The following EIF4E2 variants were observed in gnomAD, a reference collection of about 807,000 sequenced individuals.
The protein encoded by EIF4E2 is eukaryotic translation initiation factor 4E type 2.
A neutral mutation model predicts 34.2 loss-of-function variants in EIF4E2; 13 were observed. That is an observed-to-expected ratio of 0.38 (90% CI 0.25 to 0.60). The LOEUF is 0.60. Ranked by LOEUF, EIF4E2 falls within the 20% of genes least tolerant of loss-of-function variation. The probability of loss-of-function intolerance (pLI) is 0.62; values close to 1 mark genes in which losing one functional copy is unlikely to be tolerated. For missense variants in EIF4E2, 222 were observed against 315.1 expected, an observed-to-expected ratio of 0.70 and a Z score of 2.24; for synonymous variants, 100 against 106.6, an observed-to-expected ratio of 0.94 and a Z score of 0.38.
chr2:232,564,999 A>T (rs1692870257), intron 4 of EIF4E2, among the ~76,000 whole-genome samples: 1 of 152,222 alleles, frequency 6.6e-6, no homozygotes, highest in African/African-American at 2.4e-5. Context: ...ACATATGATT[A>T]AAGTGGGTAA....
intron 1 of EIF4E2, chr2:232,550,991 C>G (rs537167188): frequency 4.9e-6 from 3 of 612,260 alleles, no homozygotes; most frequent in Non-Finnish European, 8.7e-6. Flanking sequence ...GGTGGCTGTG[C>G]CGCCCGGTAG....
chr2:232,564,963 G>A (rs553389576), intron 4 of EIF4E2, among the ~76,000 whole-genome samples: 14 of 152,172 alleles, frequency 9.2e-5, no homozygotes, highest in East Asian at 1.9e-4. Context: ...TTGTTTGTGC[G>A]TGTGTGTAAT....
At chr2:232,580,398 G>A (rs1398398153) in intron 6 of EIF4E2, among the ~76,000 whole-genome samples, 1 of 152,148 alleles carries the variant, frequency 6.6e-6, no homozygotes, top group African/African-American at 2.4e-5. Flanking sequence ...CCAGTTTCTA[G>A]TGTGCCCCTT....
intron 6 of EIF4E2, chr2:232,568,032 T>C: frequency 1.0e-6 from 1 of 981,396 alleles, no homozygotes. Context: ...AGTTTCTCCA[T>C]CTGTAAAGTG....
At chr2:232,551,836 A>G (rs1692344207) in intron 1 of EIF4E2, among the ~76,000 whole-genome samples, 1 of 152,194 alleles carries the variant, frequency 6.6e-6, no homozygotes. Context: ...TGGATTTCCA[A>G]CACTCCAGGC....
At chr2:232,574,468 C>A in intron 6 of EIF4E2, 1 of 946,838 alleles carries the variant, frequency 1.1e-6, no homozygotes, top group Non-Finnish European at 1.6e-6. Context: ...AAGTCCCAAA[C>A]CACTGGATTC....
At chr2:232,558,296 T>A (rs1692594867) in intron 3 of EIF4E2, 1 of 237,374 alleles carries the variant, frequency 4.2e-6, no homozygotes, top group Non-Finnish European at 8.2e-6. Context: ...TTTTATTTTT[T>A]AATTGAGACA....
chr2:232,571,176 T>A (rs998392910), downstream of EIF4E2, among the ~76,000 whole-genome samples: 1 of 152,238 alleles, frequency 6.6e-6, no homozygotes, highest in Non-Finnish European at 1.5e-5. Flanking sequence ...CTTTTCCTGC[T>A]GTTCCCCTCA....
intron 6 of EIF4E2, among the ~76,000 whole-genome samples, chr2:232,576,543 C>T (rs985894641): frequency 1.3e-5 from 2 of 152,002 alleles, no homozygotes; most frequent in Admixed American, 6.5e-5. Context: ...AGAGAACACT[C>T]GTGGTTCAGG....
intron 6 of EIF4E2, among the ~76,000 whole-genome samples, chr2:232,577,124 G>A (rs1340189190): frequency 6.6e-6 from 1 of 152,252 alleles, no homozygotes; most frequent in Non-Finnish European, 1.5e-5. Context: ...GTATTGTTGG[G>A]AAATGAAGTT....
chr2:232,579,248 T>C (rs973989649), intron 6 of EIF4E2, among the ~76,000 whole-genome samples: 7 of 152,100 alleles, frequency 4.6e-5, no homozygotes, highest in Non-Finnish European at 7.4e-5. Context: ...CTCAGAGGGG[T>C]CTATCCTTTT....
rs1230271723 is a variant in EIF4E2 at position 232,581,005 on chromosome 2, G to A, written c.*62G>A. On this transcript the variant is annotated 3_prime_UTR_variant, in exon 7 of 7. Coordinates refer to the EIF4E2 transcript ENST00000409098. This position sits in a 1 kb window ranked among gnomAD's most constrained non-coding sequence, Gnocchi z 5.2. ...GTGTGTTTGTCCGAAATGGATGGGA[G>A]GCCTCCAGCCAGTCCTTCCATTGCT... 4.0e-6 allele frequency: 6 copies of A among 1,490,756 alleles called. No individual in the cohort carries two copies. The highest frequency in any genetic ancestry group is 1.4e-5 in the African/African-American group (1 of 71,762). 92.3% of individuals were successfully genotyped at this position (1,490,756 alleles called of 1,614,324 possible).
chr2:232,559,307 A>G (rs1692633255), intron 3 of EIF4E2, among the ~76,000 whole-genome samples: 1 of 151,738 alleles, frequency 6.6e-6, no homozygotes, highest in African/African-American at 2.4e-5. Flanking sequence ...GTTCTTTATT[A>G]GTACTCCTGA....
At chr2:232,567,395 C>T in intron 6 of EIF4E2, 181 bp downstream of exon 6, 7 of 1,420,138 alleles carry the variant, frequency 4.9e-6, no homozygotes, top group Non-Finnish European at 6.4e-6. Flanking sequence ...CTCCCTGCCA[C>T]CTATACTACC....
At chr2:232,564,394 G>A (rs755609831) in intron 4 of EIF4E2, 43 bp downstream of exon 4, 22 of 1,328,168 alleles carry the variant, frequency 1.7e-5, no homozygotes, top group Non-Finnish European at 2.2e-5. Flanking sequence ...AGCAAGTTTG[G>A]GTTTTTTTGT....
At chr2:232,554,969 T>C (rs1692472320) in intron 1 of EIF4E2, among the ~76,000 whole-genome samples, 1 of 152,154 alleles carries the variant, frequency 6.6e-6, no homozygotes, top group Non-Finnish European at 1.5e-5. Context: ...TTCCTAGTTG[T>C]GTCTTGACCA....
intron 3 of EIF4E2, among the ~76,000 whole-genome samples, chr2:232,560,321 C>T (rs1692677671): frequency 6.6e-6 from 1 of 152,192 alleles, no homozygotes; most frequent in African/African-American, 2.4e-5. Flanking sequence ...ATTTGCATTC[C>T]TTCCTGACAC....
In EIF4E2 at chr2:232,568,099, G is replaced by A; in HGVS notation, c.666-846G>A. On this transcript the variant is annotated intron_variant, in intron 6 of 6. Coordinates refer to ENST00000258416, the MANE Select transcript of EIF4E2 (RefSeq NM_004846.4). ...TGAGGCTGATTTAATCTTTAACTGA[G>A]GGTCTTCAGATGGAGAATGCTTTTA... The A allele has an allele frequency of 5.1e-6, 5 of 985,392 alleles. No homozygotes were observed. The South Asian group carries it at 1.9e-4, about 37-fold the overall frequency. The allele number at this position is 985,392 out of a possible 1,614,324, so 61.0% of individuals were successfully genotyped here.
At chr2:232,564,673 G>C (rs1198408480) in intron 4 of EIF4E2, among the ~76,000 whole-genome samples, 1 of 152,172 alleles carries the variant, frequency 6.6e-6, no homozygotes, top group South Asian at 2.1e-4. Context: ...GGATGGTCTC[G>C]ATCTCCTGAC....
Sources: gnomAD v4.1 joint callset for allele counts (sites outside exome capture counted in the v4.1 genomes callset) on GRCh38, gnomAD v4.1.1 for gene constraint, Gnocchi (gnomAD v3.1) non-coding constraint, MANE v1.5 for transcripts, NCBI Gene and HGNC (gene_info 2026-07-23, HGNC 2026-07-21) for gene names.